GRIN2B: variants seen among roughly 807,000 people sequenced by gnomAD.
GRIN2B encodes the protein glutamate ionotropic receptor NMDA type subunit 2B.
In GRIN2B, 5 loss-of-function variants were observed where a neutral mutation model predicts 114.5. The ratio of observed to expected loss-of-function variants is 0.04; its 90% confidence interval spans 0.02 to 0.09. The LOEUF (loss-of-function observed/expected upper bound fraction) is 0.09, where lower values mean the gene tolerates loss of function less well. Among genes scored for constraint, GRIN2B ranks in the 10% least tolerant of loss-of-function variants. The pLI, the probability that GRIN2B is intolerant of heterozygous loss-of-function variation, is 1.00. For missense variants in GRIN2B, 1,108 were observed against 1,943.5 expected, an observed-to-expected ratio of 0.57 and a Z score of 8.08; for synonymous variants, 787 against 745.1, an observed-to-expected ratio of 1.06 and a Z score of -0.92.
At chr12:13,601,829 C>T (rs968507862) in intron 10 of GRIN2B, among the ~76,000 whole-genome samples, 2 of 152,158 alleles carry the variant, frequency 1.3e-5, no homozygotes, top group Non-Finnish European at 2.9e-5. Flanking sequence ...TGACCCACTA[C>T]TAAGCCACAG....
chr12:13,931,067 G>A (rs1045476419), intron 2 of GRIN2B, among the ~76,000 whole-genome samples: 1 of 152,154 alleles, frequency 6.6e-6, no homozygotes, highest in Non-Finnish European at 1.5e-5. Flanking sequence ...TGGACTACTA[G>A]TTCAGTTCTA....
intron 4 of GRIN2B, among the ~76,000 whole-genome samples, chr12:13,703,093 T>C (rs578060314): frequency 6.6e-6 from 1 of 152,214 alleles, no homozygotes; most frequent in East Asian, 1.9e-4. Context: ...GAATCACCAC[T>C]ACATTTTTAT....
At chr12:13,643,948 C>A (rs1043027141) in intron 5 of GRIN2B, among the ~76,000 whole-genome samples, 8 of 152,122 alleles carry the variant, frequency 5.3e-5, no homozygotes, top group Non-Finnish European at 1.0e-4. Context: ...AACTCCTCCA[C>A]TGAAGTCTTG....
Position 13,562,509 on chromosome 12 carries a change from C to T in GRIN2B, c.*274G>A, listed in dbSNP as rs1948558031. 1 of 484,522 alleles carries T rather than the reference C, an allele frequency of 2.1e-6. No homozygotes were observed. The highest frequency in any genetic ancestry group is 3.7e-5 in the East Asian group (1 of 27,372). The allele number at this position is 484,522 out of a possible 1,614,324, so 30.0% of individuals were successfully genotyped here. On this transcript the variant is annotated 3_prime_UTR_variant, in exon 14 of 14. Coordinates refer to ENST00000609686, the MANE Select transcript of GRIN2B (RefSeq NM_000834.5). Reference sequence around the variant, plus strand: ...GCCCTTCCTTTCTCCGCTCTACCCTCCCCTGCTGAGAGGGCCCATGGCATC... The same window carrying T: ...GCCCTTCCTTTCTCCGCTCTACCCTTCCCTGCTGAGAGGGCCCATGGCATC...
chr12:13,599,303 G>C (rs1005207853), intron 10 of GRIN2B, among the ~76,000 whole-genome samples: 1 of 152,120 alleles, frequency 6.6e-6, no homozygotes, highest in African/African-American at 2.4e-5. Context: ...AGGCCGAAAG[G>C]TTCCAAAAAT....
intron 4 of GRIN2B, among the ~76,000 whole-genome samples, chr12:13,737,727 T>A (rs1227009684): frequency 6.6e-6 from 1 of 152,196 alleles, no homozygotes; most frequent in African/African-American, 2.4e-5. Flanking sequence ...AAAAATTACC[T>A]AATAATCTCC....
At position 13,540,645 on chromosome 12, in the gene GRIN2B, ACCCAGT is replaced by A. The variant is rs1948265507; in HGVS notation, c.*22132_*22137del. 6.6e-6 allele frequency: 1 copy of A among 152,134 alleles called. No individual in the cohort carries two copies. The highest frequency in any genetic ancestry group is 6.5e-5 in the Admixed American group (1 of 15,272). The allele number at this position is 152,134 out of a possible 1,614,324, so 9.4% of individuals were successfully genotyped here. ...AAGAGAGAAAGGAAAAAATAAAAAG[ACCCAGT>A]CATCCGCCCCTCCCCCCACTCCAGA... On this transcript the variant is annotated 3_prime_UTR_variant, in exon 14 of 14. Coordinates refer to ENST00000609686, the MANE Select transcript of GRIN2B (RefSeq NM_000834.5).
At position 13,916,734 on chromosome 12, in the gene GRIN2B, C is replaced by CACACAA. The variant is rs1555156746; in HGVS notation, c.-18-50509_-18-50508insTTGTGT. 6.2e-3 allele frequency among the ~76,000 whole-genome samples: 60 copies of CACACAA among 9,738 alleles called. 2 individuals carry two copies. The South Asian group carries it at 0.062, about 10-fold the overall frequency. 6.4% of individuals were successfully genotyped at this position (9,738 alleles called of 152,430 possible). A position where few individuals can be genotyped will look rare whatever the true frequency, so the allele number is the denominator to read the frequency against. The stretch of plus-strand genomic sequence containing the variant: ...ATATACACACACACACACACACACA[C>CACACAA]ATTTGTGTGTGTGTGTGTGTGTGTG... On this transcript the variant is annotated intron_variant, in intron 2 of 13. Transcript: ENST00000609686.
chr12:13,591,062 C>A (rs571203600), intron 10 of GRIN2B, among the ~76,000 whole-genome samples: 2 of 152,182 alleles, frequency 1.3e-5, no homozygotes, highest in Non-Finnish European at 2.9e-5. Context: ...TTCATCCAGG[C>A]ATCCTCGGAG....
At chr12:13,881,052 A>T (rs1459682390) in intron 2 of GRIN2B, among the ~76,000 whole-genome samples, 1 of 152,216 alleles carries the variant, frequency 6.6e-6, no homozygotes, top group Non-Finnish European at 1.5e-5. Context: ...GTGCATGCAC[A>T]TGTGCACACG....
chr12:13,767,536 A>G (rs949630839), intron 3 of GRIN2B, among the ~76,000 whole-genome samples: 1 of 152,226 alleles, frequency 6.6e-6, no homozygotes, highest in South Asian at 2.1e-4. Flanking sequence ...TTAACACTAT[A>G]AACAGCAACA....
chr12:13,795,518 ATGT>A (rs753576926), intron 3 of GRIN2B, among the ~76,000 whole-genome samples: 5 of 152,208 alleles, frequency 3.3e-5, no homozygotes, highest in Non-Finnish European at 7.3e-5. Flanking sequence ...ATTGTTGCAT[ATGT>A]TGTAAGAATT....
chr12:13,915,521 C>T (rs1200123354), intron 2 of GRIN2B, among the ~76,000 whole-genome samples: 1 of 152,206 alleles, frequency 6.6e-6, no homozygotes, highest in African/African-American at 2.4e-5. Flanking sequence ...CTCCAGGCCC[C>T]TTGTAACAAC....
chr12:13,572,857 T>A (rs1268318365), intron 10 of GRIN2B, among the ~76,000 whole-genome samples: 2 of 152,210 alleles, frequency 1.3e-5, no homozygotes, highest in Non-Finnish European at 2.9e-5. Flanking sequence ...TGTGAATTCT[T>A]TCTTCCATCA....
intron 2 of GRIN2B, among the ~76,000 whole-genome samples, chr12:13,906,559 G>A (rs1375591346): frequency 6.6e-6 from 1 of 152,180 alleles, no homozygotes; most frequent in Admixed American, 6.5e-5. Flanking sequence ...GGTAGTGTAT[G>A]TCTCCTTATG....
In GRIN2B at chr12:13,560,893, G is replaced by C. The variant is rs1250579624; in HGVS notation, c.*1890C>G. ...GGCGAAGAGCAGCCCTGGAGGGAGT[G>C]ACTTGAAGAGACATGGCAGCTTCCT... On this transcript the variant is annotated 3_prime_UTR_variant, in exon 14 of 14. Coordinates refer to ENST00000609686, the MANE Select transcript of GRIN2B (RefSeq NM_000834.5). 1 of 152,278 alleles carries C rather than the reference G, an allele frequency of 6.6e-6. No homozygotes were observed. Among genetic ancestry groups the C allele is most frequent in the East Asian group, 1.9e-4 (1 of 5,170 alleles). 9.4% of individuals were successfully genotyped at this position (152,278 alleles called of 1,614,324 possible).
At chr12:13,649,275 G>A (rs1295931468) in intron 5 of GRIN2B, among the ~76,000 whole-genome samples, 1 of 152,010 alleles carries the variant, frequency 6.6e-6, no homozygotes, top group Non-Finnish European at 1.5e-5. Flanking sequence ...AAGTGGGAGG[G>A]ACTCGCTCTT....
At chr12:13,717,512 T>C (rs1204246621) in intron 4 of GRIN2B, among the ~76,000 whole-genome samples, 2 of 151,968 alleles carry the variant, frequency 1.3e-5, no homozygotes, top group African/African-American at 2.4e-5. Flanking sequence ...TGATAATCTT[T>C]GTGAATGTGC....
rs530439880 is a variant in GRIN2B at position 13,941,249 on chromosome 12, A to G, written c.-19+38679T>C. On this transcript the variant is annotated intron_variant, in intron 2 of 13. Coordinates refer to ENST00000609686, the MANE Select transcript of GRIN2B (RefSeq NM_000834.5). Reference sequence around the variant, plus strand: ...TGCCTTCTATTTTTAGTATTTTGATACTCCTTTATGTTCCCACATTGAACC... The same window carrying G: ...TGCCTTCTATTTTTAGTATTTTGATGCTCCTTTATGTTCCCACATTGAACC... 1.4e-4 allele frequency among the ~76,000 whole-genome samples: 21 copies of G among 152,074 alleles called. 1 individual carries two copies. The South Asian group carries it at 2.7e-3, about 20-fold the overall frequency.
Sources: gnomAD v4.1 joint callset for allele counts (sites outside exome capture counted in the v4.1 genomes callset) on GRCh38, gnomAD v4.1.1 for gene constraint, MANE v1.5 for transcripts, NCBI Gene and HGNC (gene_info 2026-07-23, HGNC 2026-07-21) for gene names.